The following HLA-DPA1 variants were observed in gnomAD, a reference collection of about 807,000 sequenced individuals.
HLA-DPA1 encodes the protein HLA class II histocompatibility antigen, DP alpha 1 chain.
HLA-DPA1 carries 20 observed loss-of-function variants against 21.5 expected under a neutral mutation model. The observed-to-expected ratio is 0.93, with a 90% CI of 0.66 to 1.35. The LOEUF (loss-of-function observed/expected upper bound fraction) is 1.35. HLA-DPA1 is among the 40% of genes most tolerant of loss of function. The pLI, the probability that HLA-DPA1 is intolerant of heterozygous loss-of-function variation, is 0.00. For missense variants in HLA-DPA1, 279 were observed against 323.0 expected (o/e 0.86, Z 1.05); for synonymous variants, 123 against 129.6 (o/e 0.95, Z 0.35).
intron 1 of HLA-DPA1, chr6:33,076,245 T>A: frequency 4.0e-6 from 3 of 757,370 alleles, no homozygotes; most frequent in Non-Finnish European, 6.7e-6. Flanking sequence ...CGGGGGCTCC[T>A]GCCCTAAGGC....
chr6:33,073,723 T>A (rs1762404807), intron 1 of HLA-DPA1, 74 bp from the exon 1 acceptor site: 4 of 604,940 alleles, frequency 6.6e-6, no homozygotes, highest in Non-Finnish European at 1.2e-5. Flanking sequence ...ATCAGAGAAA[T>A]CATAGAGCTG....
At position 33,079,789 on chromosome 6, in the gene HLA-DPA1, G is replaced by A. The variant is rs538806666; in HGVS notation, c.-100+891C>T. On this transcript the variant is annotated intron_variant, in intron 1 of 5. Coordinates refer to ENST00000419277, the Ensembl canonical transcript of HLA-DPA1. Reference sequence around the variant, plus strand: ...CCTCCAGAACTGCAAAGTCATCATGGAAAGAGTCACCCAGCCGGCCATCAG... The same window carrying A: ...CCTCCAGAACTGCAAAGTCATCATGAAAAGAGTCACCCAGCCGGCCATCAG... 65 of 474,886 alleles carry A rather than the reference G, an allele frequency of 1.4e-4. 1 individual carries two copies. Among genetic ancestry groups the A allele is most frequent in the South Asian group, 4.2e-4 (27 of 64,234 alleles). The allele number at this position is 474,886 out of a possible 1,614,324, so 29.4% of individuals were successfully genotyped here.
At position 33,069,633 on chromosome 6, in the gene HLA-DPA1, G is replaced by T; in HGVS notation, c.346+8C>A. On this transcript the variant is annotated splice_region_variant and intron_variant, in intron 3 of 5. Transcript: ENST00000419277. Reference sequence around the variant, plus strand: ...GGCTACAGAGGAAGAGGCAAAGATAGGGCGTACCGTTGGTGGCCTGAGTGT... The same window carrying T: ...GGCTACAGAGGAAGAGGCAAAGATATGGCGTACCGTTGGTGGCCTGAGTGT... The T allele has an allele frequency of 1.2e-6, 2 of 1,611,656 alleles. No individual in the cohort carries two copies. Among genetic ancestry groups the T allele is most frequent in the South Asian group, 2.2e-5 (2 of 90,984 alleles).
At chr6:33,069,928 T>C in intron 2 of HLA-DPA1, 42 bp from the exon 2 acceptor site, 1 of 1,578,816 alleles carries the variant, frequency 6.3e-7, no homozygotes, top group South Asian at 1.1e-5. Context: ...AAATGTCAGT[T>C]TGAATATGCA....
intron 2 of HLA-DPA1, 71 bp downstream of exon 1, chr6:33,073,400 C>A: frequency 1.0e-6 from 1 of 953,198 alleles, no homozygotes; most frequent in Admixed American, 1.7e-5. Flanking sequence ...ATCTGTGATC[C>A]CTGAAGCAGC....
At chr6:33,069,642 G>A (rs1126543) in exon 3 of HLA-DPA1, 331,389 of 1,589,470 alleles carry the variant, frequency 0.21, 46,786 homozygotes, top group East Asian at 0.64. Context: ...AGGGCGTACC[G>A]TTGGTGGCCT....
At chr6:33,072,424 C>T (rs1254228492) in intron 2 of HLA-DPA1, among the ~76,000 whole-genome samples, 1 of 150,264 alleles carries the variant, frequency 6.7e-6, no homozygotes, top group Non-Finnish European at 1.5e-5. Flanking sequence ...GCAGGGAAGC[C>T]CTGAAGAGAC....
intron 1 of HLA-DPA1, chr6:33,076,107 G>GC: frequency 6.2e-7 from 1 of 1,611,784 alleles, no homozygotes; most frequent in Non-Finnish European, 8.5e-7. Flanking sequence ...TGATGGTGCT[G>GC]CTCACATCTG....
At chr6:33,078,208 G>A (rs1762652205) in intron 1 of HLA-DPA1, among the ~76,000 whole-genome samples, 2 of 152,160 alleles carry the variant, frequency 1.3e-5, no homozygotes, top group African/African-American at 4.8e-5. Context: ...CTGGGTTGAG[G>A]TTTGTAGGGG....
chr6:33,069,585 G>A (rs1307884637), intron 3 of HLA-DPA1, 56 bp downstream of exon 2: 3 of 1,596,716 alleles, frequency 1.9e-6, no homozygotes, highest in Non-Finnish European at 2.6e-6. Flanking sequence ...GTGGCAGAGA[G>A]GCCCTCTCAT....
chr6:33,071,160 T>C (rs551644816), intron 2 of HLA-DPA1, among the ~76,000 whole-genome samples: 1 of 149,684 alleles, frequency 6.7e-6, no homozygotes, highest in African/African-American at 2.5e-5. Flanking sequence ...GACAGGAGAA[T>C]GACTCCTTGC....
chr6:33,072,595 C>T (rs1762333738), intron 2 of HLA-DPA1, among the ~76,000 whole-genome samples: 1 of 152,218 alleles, frequency 6.6e-6, no homozygotes, highest in Non-Finnish European at 1.5e-5. Flanking sequence ...CTGACCTCCT[C>T]TTTATTCTAC....
rs1023597820 is a variant in HLA-DPA1 at position 33,080,490 on chromosome 6, C to T, written c.-100+190G>A. The T allele has an allele frequency of 3.7e-6, 3 of 820,858 alleles. No individual in the cohort carries two copies. The East Asian group carries it at 8.0e-5, about 22-fold the overall frequency. 50.8% of individuals were successfully genotyped at this position (820,858 alleles called of 1,614,324 possible). Reference sequence around the variant, plus strand: ...ATTCTCTCTCTGCGTGGTGAGAAAACAGGCCTGGAGAGGCTCTGCGACCCG... The same window carrying T: ...ATTCTCTCTCTGCGTGGTGAGAAAATAGGCCTGGAGAGGCTCTGCGACCCG... On this transcript the variant is annotated intron_variant, in intron 1 of 5. Transcript: ENST00000419277. The surrounding 1 kb of genome is among the most constrained non-coding windows in gnomAD (Gnocchi z 4.3).
Position 33,071,129 on chromosome 6 carries a change from C to A in HLA-DPA1, c.101-1243G>T, listed in dbSNP as rs1184460356. 6.6e-3 allele frequency among the ~76,000 whole-genome samples: 540 copies of A among 82,344 alleles called. 2 individuals are homozygous for A. The East Asian group carries it at 0.16, about 24-fold the overall frequency. 54.0% of individuals were successfully genotyped at this position (82,344 alleles called of 152,430 possible). Reference sequence around the variant, plus strand: ...CAGCCCTGACATGTGGGGACCCAGTCTGTGCTTGGCCACTTACAGTGACAG... The same window carrying A: ...CAGCCCTGACATGTGGGGACCCAGTATGTGCTTGGCCACTTACAGTGACAG... On this transcript the variant is annotated intron_variant, in intron 2 of 5. Transcript: ENST00000419277.
At chr6:33,075,244 G>A (rs11750996) in intron 1 of HLA-DPA1, among the ~76,000 whole-genome samples, 2 of 152,034 alleles carry the variant, frequency 1.3e-5, no homozygotes, top group African/African-American at 4.8e-5. Flanking sequence ...TTGATCTTAA[G>A]AGCTTTGCTA....
At chr6:33,069,113 C>A (rs773349772) in exon 4 of HLA-DPA1, 4 of 1,613,096 alleles carry the variant, frequency 2.5e-6, no homozygotes, top group Non-Finnish European at 3.4e-6. Flanking sequence ...GGTAATGGAA[C>A]TTGTGGAAGC....
rs150579075 is a variant in HLA-DPA1, at chr6:33,074,970, G to A, written c.-99-1301C>T. On this transcript the variant is annotated intron_variant, in intron 1 of 5. Transcript: ENST00000419277. ...AGCCTTCTATTTACATTTTAATATT[G>A]ATTTAAAGAAATGATGCCAATTTGA... 3.6e-3 allele frequency among the ~76,000 whole-genome samples: 543 copies of A among 152,108 alleles called. 3 individuals carry two copies. Among genetic ancestry groups the A allele is most frequent in the East Asian group, 0.026 (133 of 5,174 alleles).
At chr6:33,066,321 T>C (rs912308960) in intron 5 of HLA-DPA1, 1 of 152,172 alleles carries the variant, frequency 6.6e-6, no homozygotes, top group Admixed American at 6.5e-5. Context: ...GCTTTCAGTA[T>C]AGCAAAGGAG....
At chr6:33,075,362 G>T (rs953274875) in intron 1 of HLA-DPA1, among the ~76,000 whole-genome samples, 2 of 152,148 alleles carry the variant, frequency 1.3e-5, no homozygotes, top group East Asian at 3.9e-4. Context: ...GTGTGTCCAC[G>T]CTCCCAGTGT....
Sources: gnomAD v4.1 joint callset for allele counts (sites outside exome capture counted in the v4.1 genomes callset) on GRCh38, gnomAD v4.1.1 for gene constraint, Gnocchi (gnomAD v3.1) non-coding constraint, MANE v1.5 for transcripts, NCBI Gene and HGNC (gene_info 2026-07-23, HGNC 2026-07-21) for gene names.